CLVS1: variants seen among roughly 807,000 people sequenced by gnomAD.
CLVS1 encodes the protein clavesin-1.
Under a neutral mutation model 33.1 loss-of-function variants are expected in CLVS1, and 10 were observed. That is an observed-to-expected ratio of 0.30 (90% CI 0.19 to 0.51). CLVS1 has a LOEUF of 0.51. Among genes scored for constraint, CLVS1 ranks in the 20% least tolerant of loss-of-function variants. The pLI is 0.97. For synonymous variants in CLVS1, 163 were observed against 166.1 expected (o/e 0.98, Z 0.14); for missense variants, 343 against 433.4 (o/e 0.79, Z 1.85).
chr8:61,270,900 T>C (rs1195601946), intron 2 of CLVS1, among the ~76,000 whole-genome samples: 1 of 152,092 alleles, frequency 6.6e-6, no homozygotes, highest in Non-Finnish European at 1.5e-5. Context: ...TAGATTCTTC[T>C]CTCTTTTTTT....
At chr8:61,391,157 A>G (rs537718624) in intron 3 of CLVS1, 1 of 152,372 alleles carries the variant, frequency 6.6e-6, no homozygotes, top group South Asian at 2.1e-4. Context: ...CTGAGGACCT[A>G]TTCAGAAGGA....
intron 2 of CLVS1, among the ~76,000 whole-genome samples, chr8:61,348,484 A>T (rs1189457794): frequency 2.6e-5 from 4 of 152,104 alleles, no homozygotes; most frequent in Admixed American, 6.6e-5. Context: ...GTATAATAAA[A>T]AATAATAATA....
At chr8:61,292,777 C>A (rs541284001) in intron 1 of CLVS1, among the ~76,000 whole-genome samples, 11 of 152,260 alleles carry the variant, frequency 7.2e-5, no homozygotes, top group African/African-American at 2.6e-4. Flanking sequence ...AATGCTACTT[C>A]AATTAAAGAC....
Position 61,376,689 on chromosome 8 carries a change from C to T in CLVS1, c.540C>T (p.Phe180=). The change falls in exon 3 of 6, where the codon TTC becomes TTT. Residue 180 remains phenylalanine, a synonymous_variant. Coordinates refer to ENST00000325897, the MANE Select transcript of CLVS1 (RefSeq NM_173519.3). The stretch of plus-strand genomic sequence containing the variant: ...ATCCGGAGCTTCAGATAAATGGCTT[C>T]ATTTTAATTATAGACTGGAGTAATT... ...IEDPELQING[F]ILIIDWSNFS... is the part of the protein sequence containing the mutation. 1 of 1,614,110 alleles carries T rather than the reference C, an allele frequency of 6.2e-7. No individual in the cohort carries two copies. The highest frequency in any genetic ancestry group is 1.3e-5 in the African/African-American group (1 of 75,044).
chr8:61,436,401 G>A (rs1244738090), intron 3 of CLVS1, among the ~76,000 whole-genome samples: 1 of 152,092 alleles, frequency 6.6e-6, no homozygotes, highest in Non-Finnish European at 1.5e-5. Flanking sequence ...TCAGGCTTTT[G>A]CTCCAACTAC....
At chr8:61,088,487 CAAA>C (rs59394782) in intron 1 of CLVS1, among the ~76,000 whole-genome samples, 1 of 105,316 alleles carries the variant, frequency 9.5e-6, no homozygotes, top group South Asian at 3.4e-4. Flanking sequence ...GAGACTGTCT[CAAA>C]AAAAAAAAAA....
At chr8:61,307,859 G>A (rs546324838) in intron 2 of CLVS1, among the ~76,000 whole-genome samples, 23 of 151,998 alleles carry the variant, frequency 1.5e-4, no homozygotes, top group Non-Finnish European at 2.9e-4. Context: ...ACCTTATGGA[G>A]TCTCCAATGT....
At chr8:61,314,960 A>C (rs1810961885) in intron 2 of CLVS1, among the ~76,000 whole-genome samples, 1 of 152,338 alleles carries the variant, frequency 6.6e-6, no homozygotes, top group Admixed American at 6.5e-5. Context: ...GCCGTGCATG[A>C]ATTTTATAAC....
intron 2 of CLVS1, among the ~76,000 whole-genome samples, chr8:61,280,194 C>T (rs1771500463): frequency 1.3e-5 from 2 of 152,188 alleles, no homozygotes; most frequent in South Asian, 4.2e-4. Context: ...CTGCTGAATC[C>T]ATTAAAAATC....
chr8:61,429,031 T>C (rs1334136964), intron 3 of CLVS1, among the ~76,000 whole-genome samples: 1 of 152,168 alleles, frequency 6.6e-6, no homozygotes, highest in Non-Finnish European at 1.5e-5. Flanking sequence ...AGAAATTTAT[T>C]TGGTTTACAG....
intron 2 of CLVS1, among the ~76,000 whole-genome samples, chr8:61,269,620 T>C (rs1179999617): frequency 6.6e-6 from 1 of 151,260 alleles, no homozygotes; most frequent in Non-Finnish European, 1.5e-5. Flanking sequence ...TATGGCCATT[T>C]TCACGATATT....
chr8:61,298,783 T>C (rs537683496), intron 1 of CLVS1, among the ~76,000 whole-genome samples: 1 of 152,314 alleles, frequency 6.6e-6, no homozygotes, highest in East Asian at 1.9e-4. Context: ...GTATGGGTGT[T>C]CCTCTGTATA....
rs748766170 is a variant in CLVS1 at position 61,499,576 on chromosome 8, C to T, written c.*34C>T. ...TCACCCCAATGCTCCTGCACACTGGCCTTCAGTGGTATCAGCCACCCAGGA... is the reference window on the plus strand; with the variant it reads ...TCACCCCAATGCTCCTGCACACTGGTCTTCAGTGGTATCAGCCACCCAGGA... On this transcript the variant is annotated 3_prime_UTR_variant, in exon 6 of 6. Transcript: ENST00000325897. The T allele has an allele frequency of 2.6e-6, 4 of 1,538,240 alleles. No homozygotes were observed. The highest frequency in any genetic ancestry group is 1.7e-5 in the Admixed American group (1 of 59,790).
intron 2 of CLVS1, among the ~76,000 whole-genome samples, chr8:61,273,581 T>TC (rs1296646637): frequency 6.6e-6 from 1 of 151,862 alleles, no homozygotes; most frequent in Non-Finnish European, 1.5e-5. Context: ...CGGGCGCCCC[T>TC]CCCCCAGCCT....
intron 3 of CLVS1, among the ~76,000 whole-genome samples, chr8:61,414,940 T>C (rs1450445435): frequency 1.3e-5 from 2 of 152,254 alleles, no homozygotes; most frequent in Admixed American, 6.5e-5. Flanking sequence ...ATTCATAAAG[T>C]TTAACTTATT....
rs6983399 is a variant in CLVS1, at chr8:61,316,344, C to G, written c.455+16062C>G. Reference sequence around the variant, plus strand: ...ACATGAATCTGTTGAAATGTAGACACGTGCATTTGGTGGAAGAGGAGATAC... The same window carrying G: ...ACATGAATCTGTTGAAATGTAGACAGGTGCATTTGGTGGAAGAGGAGATAC... On this transcript the variant is annotated intron_variant, in intron 2 of 5. Transcript: ENST00000325897. Among the ~76,000 whole-genome samples, 216 of 152,266 alleles carry G rather than the reference C, an allele frequency of 1.4e-3. 1 individual carries two copies. Among genetic ancestry groups the G allele is most frequent in the African/African-American group, 5.1e-3 (210 of 41,548 alleles).
chr8:61,090,476 A>G (rs983774106), intron 1 of CLVS1, among the ~76,000 whole-genome samples: 5 of 152,134 alleles, frequency 3.3e-5, no homozygotes, highest in South Asian at 2.1e-4. Context: ...AAAATTCGAT[A>G]GGCAGAAAAC....
intron 1 of CLVS1, among the ~76,000 whole-genome samples, chr8:61,066,985 G>A (rs1005855987): frequency 2.6e-5 from 4 of 152,072 alleles, no homozygotes; most frequent in Non-Finnish European, 5.9e-5. Flanking sequence ...CACACACTGA[G>A]CACGTGCTGT....
chr8:61,389,522 G>A (rs778424646), intron 3 of CLVS1, among the ~76,000 whole-genome samples: 4 of 151,300 alleles, frequency 2.6e-5, no homozygotes, highest in East Asian at 1.9e-4. Context: ...CAGCCTGGGC[G>A]ACTCCATCTC....
Sources: gnomAD v4.1 joint callset for allele counts (sites outside exome capture counted in the v4.1 genomes callset) on GRCh38, gnomAD v4.1.1 for gene constraint, MANE v1.5 for transcripts, NCBI Gene and HGNC (gene_info 2026-07-23, HGNC 2026-07-21) for gene names.